Variants in FERMT3 observed in about 807,000 individuals in gnomAD.
The protein encoded by FERMT3 is fermitin family homolog 3.
FERMT3 carries 33 observed loss-of-function variants against 80.8 expected under a neutral mutation model. The observed-to-expected ratio is 0.41, with a 90% CI of 0.31 to 0.55. FERMT3 has a LOEUF of 0.55. Ranked by LOEUF, FERMT3 falls within the 20% of genes least tolerant of loss-of-function variation. FERMT3 has a pLI of 0.31. For synonymous variants in FERMT3, 375 were observed against 372.2 expected (o/e 1.01, Z -0.09); for missense variants, 754 against 908.7 (o/e 0.83, Z 2.19).
Position 64,210,512 on chromosome 11 carries a change from G to A in FERMT3, c.161-99G>A, listed in dbSNP as rs1946412360. 1 of 1,244,058 alleles carries A rather than the reference G, an allele frequency of 8.0e-7. No individual in the cohort carries two copies. Among genetic ancestry groups the A allele is most frequent in the South Asian group, 1.3e-5 (1 of 77,348 alleles). The allele number at this position is 1,244,058 out of a possible 1,614,324, so 77.1% of individuals were successfully genotyped here. ...CCCACTCTTGGCTTAGGCAGGGCAG[G>A]GGAGTGGTCGCCCCAGGCTTCTGAA... On this transcript the variant is annotated intron_variant, in intron 2 of 14. Coordinates refer to ENST00000345728, the MANE Select transcript of FERMT3 (RefSeq NM_031471.6). This position sits in a 1 kb window ranked among gnomAD's most constrained non-coding sequence, Gnocchi z 4.3.
intron 6 of FERMT3, among the ~76,000 whole-genome samples, chr11:64,213,625 T>G (rs937684459): frequency 1.3e-5 from 2 of 149,096 alleles, no homozygotes; most frequent in African/African-American, 5.0e-5. Context: ...TGACGTGATC[T>G]CAGGTCATCA....
intron 6 of FERMT3, among the ~76,000 whole-genome samples, chr11:64,217,277 C>T (rs756315002): frequency 5.3e-5 from 8 of 152,254 alleles, no homozygotes; most frequent in African/African-American, 7.2e-5. Context: ...TTGCCGGGCA[C>T]GGTGGCTCAC....
intron 2 of FERMT3, 75 bp downstream of exon 2, chr11:64,207,599 C>A (rs2134828769): frequency 6.6e-7 from 1 of 1,525,604 alleles, no homozygotes; most frequent in Non-Finnish European, 8.9e-7. Flanking sequence ...CACTTCCGGG[C>A]CATCCCTGCT....
chr11:64,211,569 C>A lies in FERMT3; in HGVS notation c.684-76C>A. On this transcript the variant is annotated intron_variant, in intron 5 of 14. Transcript: ENST00000345728. The surrounding 1 kb of genome is among the most constrained non-coding windows in gnomAD (Gnocchi z 4.7). Reference sequence around the variant, plus strand: ...GGCCTTTTCTCTGTGTGTGCTTGTCCCCCCAGCCCAGCCCCCCTCCCCACC... The same window carrying A: ...GGCCTTTTCTCTGTGTGTGCTTGTCACCCCAGCCCAGCCCCCCTCCCCACC... 6.6e-7 allele frequency: 1 copy of A among 1,526,454 alleles called. No homozygotes were observed. Among genetic ancestry groups the A allele is most frequent in the Non-Finnish European group, 8.9e-7 (1 of 1,126,432 alleles). 94.6% of individuals were successfully genotyped at this position (1,526,454 alleles called of 1,614,324 possible).
At chr11:64,218,123 C>T (rs528717951) in intron 6 of FERMT3, among the ~76,000 whole-genome samples, 1 of 151,740 alleles carries the variant, frequency 6.6e-6, no homozygotes, top group African/African-American at 2.4e-5. Context: ...CCTGCCTCAG[C>T]GTCCTGAGTA....
At position 64,220,461 on chromosome 11, in the gene FERMT3, C is replaced by A. The variant is rs1450346205; in HGVS notation, c.1337C>A (p.Ala446Asp). ...QDEQQYARWM[A>D]GCRLASKGRT... ...GAGCAGCAGTATGCCCGCTGGATGG[C>A]TGGCTGCCGCCTGGCCTCCAAAGGC... Residue 446 changes from alanine to aspartate, a missense_variant, in exon 12 of 15, where the codon GCT becomes GAT. Transcript: ENST00000345728. 1 of 1,610,088 alleles carries A rather than the reference C, an allele frequency of 6.2e-7. No homozygotes were observed. The highest frequency in any genetic ancestry group is 8.5e-7 in the Non-Finnish European group (1 of 1,178,940).
chr11:64,217,640 C>G lies in FERMT3; in HGVS notation c.787-1611C>G, dbSNP rs200893358. On this transcript the variant is annotated intron_variant, in intron 6 of 14. Transcript: ENST00000345728. ...ACCAAATGCAGGGGTGCATCTGGCTCAGCATCTCCAGAGAGTGAGTCCCAG... is the reference window on the plus strand; with the variant it reads ...ACCAAATGCAGGGGTGCATCTGGCTGAGCATCTCCAGAGAGTGAGTCCCAG... Among the ~76,000 whole-genome samples the G allele has an allele frequency of 4.6e-5, 7 of 152,202 alleles. No individual in the cohort carries two copies. In the East Asian group the frequency reaches 1.2e-3, roughly 25 times the overall value.
At chr11:64,217,355 G>A (rs1946573518) in intron 6 of FERMT3, among the ~76,000 whole-genome samples, 1 of 152,212 alleles carries the variant, frequency 6.6e-6, no homozygotes, top group Non-Finnish European at 1.5e-5. Flanking sequence ...TTTGAGACCA[G>A]CCTGATCAAC....
chr11:64,216,169 A>G (rs530915499), intron 6 of FERMT3, among the ~76,000 whole-genome samples: 1 of 146,192 alleles, frequency 6.8e-6, no homozygotes, highest in Non-Finnish European at 1.5e-5. Context: ...GTCTTGATTT[A>G]TGAGTGCAGT....
At chr11:64,208,284 G>A (rs1395928369) in intron 2 of FERMT3, among the ~76,000 whole-genome samples, 3 of 152,184 alleles carry the variant, frequency 2.0e-5, no homozygotes, top group East Asian at 3.9e-4. Flanking sequence ...GGCTGTGAGG[G>A]GAGCTGCCAG....
chr11:64,220,795 A>C (rs572119110), intron 12 of FERMT3, 126 bp downstream of exon 12: 1 of 1,268,450 alleles, frequency 7.9e-7, no homozygotes, highest in South Asian at 1.3e-5. Context: ...TGTGTCCCTG[A>C]GATTGTGCGG....
chr11:64,210,521 C>A lies in FERMT3; in HGVS notation c.161-90C>A. 1.5e-6 allele frequency: 2 copies of A among 1,341,980 alleles called. No homozygotes were observed. Among genetic ancestry groups the A allele is most frequent in the South Asian group, 1.2e-5 (1 of 80,280 alleles). The allele number at this position is 1,341,980 out of a possible 1,614,324, so 83.1% of individuals were successfully genotyped here. A position where few individuals can be genotyped will look rare whatever the true frequency, so the allele number is the denominator to read the frequency against. On this transcript the variant is annotated intron_variant, in intron 2 of 14. Coordinates refer to ENST00000345728, the MANE Select transcript of FERMT3 (RefSeq NM_031471.6). This position sits in a 1 kb window ranked among gnomAD's most constrained non-coding sequence, Gnocchi z 4.3. ...GGCTTAGGCAGGGCAGGGGAGTGGT[C>A]GCCCCAGGCTTCTGAATCCTGGGGT...
chr11:64,216,883 C>G (rs539128736), intron 6 of FERMT3, among the ~76,000 whole-genome samples: 2 of 150,904 alleles, frequency 1.3e-5, no homozygotes, highest in African/African-American at 4.9e-5. Flanking sequence ...GTTTGAAGTT[C>G]TCTTCTGCGC....
At position 64,219,212 on chromosome 11, in the gene FERMT3, G is replaced by T; in HGVS notation, c.787-39G>T. The T allele has an allele frequency of 2.6e-6, 4 of 1,544,312 alleles. No homozygotes were observed. The South Asian group carries it at 4.7e-5, about 18-fold the overall frequency. On this transcript the variant is annotated intron_variant, in intron 6 of 14. Coordinates refer to ENST00000345728, the MANE Select transcript of FERMT3 (RefSeq NM_031471.6). The surrounding 1 kb of genome is among the most constrained non-coding windows in gnomAD (Gnocchi z 4.0). ...AGGGCGTCCAGGGCAGCTGGCATCT[G>T]ACCAGCCCAGCCTCCAGCCTCCTCT...
rs1946633483 is a variant in FERMT3, at chr11:64,219,780, G to A, written c.1070G>A (p.Arg357Gln). The part of the protein sequence containing the change: ...TTIPELKDHL[R>Q]IFRPRKLTLK... Reference sequence around the variant, plus strand: ...ATCCCAGAGCTCAAGGACCATCTCCGAATCTTTCGGTGAGTTGGGGGCCAG... The same window carrying A: ...ATCCCAGAGCTCAAGGACCATCTCCAAATCTTTCGGTGAGTTGGGGGCCAG... The change falls in exon 9 of 15, where the codon CGA becomes CAA. Residue 357 changes from arginine to glutamine, a missense_variant. Physicochemically the swap from Arg to Gln is conservative, Grantham distance 43 (BLOSUM62 1). Transcript: ENST00000345728. This position sits in a 1 kb window ranked among gnomAD's most constrained non-coding sequence, Gnocchi z 4.0. The A allele has an allele frequency of 1.9e-6, 3 of 1,614,128 alleles. No individual in the cohort carries two copies. Among genetic ancestry groups the A allele is most frequent in the Non-Finnish European group, 2.5e-6 (3 of 1,180,012 alleles).
In FERMT3 at chr11:64,210,863, TC is replaced by T; in HGVS notation, c.394+23del. 1 of 1,610,184 alleles carries T rather than the reference TC, an allele frequency of 6.2e-7. No individual in the cohort carries two copies. ...CTCCTCAGTAAGTTGCCCGGCTGATTCCCCTGGCCCACGAGGGTGATGCAAA... is the reference window on the plus strand; with the variant it reads ...CTCCTCAGTAAGTTGCCCGGCTGATTCCCTGGCCCACGAGGGTGATGCAAA... On this transcript the variant is annotated intron_variant, in intron 3 of 14. Coordinates refer to ENST00000345728, the MANE Select transcript of FERMT3 (RefSeq NM_031471.6). The surrounding 1 kb of genome is among the most constrained non-coding windows in gnomAD (Gnocchi z 4.3).
chr11:64,219,701 G>C lies in FERMT3; in HGVS notation c.1030-39G>C, dbSNP rs1946631356. 2 of 1,613,554 alleles carry C rather than the reference G, an allele frequency of 1.2e-6. No homozygotes were observed. The highest frequency in any genetic ancestry group is 1.7e-5 in the Admixed American group (1 of 59,982). ...GCAGGGGCTGGGCAGGGAGAACTGT[G>C]AGGTACCGGGTGCCCCTCTGACTCT... On this transcript the variant is annotated intron_variant, in intron 8 of 14. Transcript: ENST00000345728. This position sits in a 1 kb window ranked among gnomAD's most constrained non-coding sequence, Gnocchi z 4.0.
At position 64,209,444 on chromosome 11, in the gene FERMT3, G is replaced by A. The variant is rs1185505474; in HGVS notation, c.161-1167G>A. On this transcript the variant is annotated intron_variant, in intron 2 of 14. Transcript: ENST00000345728. ...ACAGAATAGGGAGACCCAGTAAGGG[G>A]ACCTGGCCGAGGCAGGAGAAGAGGG... Among the ~76,000 whole-genome samples, 6 of 152,320 alleles carry A rather than the reference G, an allele frequency of 3.9e-5. No homozygotes were observed. In the East Asian group the frequency reaches 9.7e-4, roughly 25 times the overall value.
At chr11:64,216,815 AAAG>A (rs1303140175) in intron 6 of FERMT3, among the ~76,000 whole-genome samples, 2 of 150,714 alleles carry the variant, frequency 1.3e-5, no homozygotes, top group Admixed American at 1.3e-4. Flanking sequence ...AAAAAAAAAA[AAAG>A]GCGGGTGCCA....
Sources: gnomAD v4.1 joint callset for allele counts (sites outside exome capture counted in the v4.1 genomes callset) on GRCh38, gnomAD v4.1.1 for gene constraint, Gnocchi (gnomAD v3.1) non-coding constraint, MANE v1.5 for transcripts, NCBI Gene and HGNC (gene_info 2026-07-23, HGNC 2026-07-21) for gene names.